The following GRIA1 variants were observed in gnomAD, a reference collection of about 807,000 sequenced individuals.
The protein encoded by GRIA1 is glutamate ionotropic receptor AMPA type subunit 1, also known as glutamate receptor 1.
A neutral mutation model predicts 99.2 loss-of-function variants in GRIA1; 31 were observed. The observed-to-expected ratio is 0.31, with a 90% CI of 0.23 to 0.42. GRIA1 has a LOEUF of 0.42. Among genes scored for constraint, GRIA1 ranks in the 10% least tolerant of loss-of-function variants. The pLI is 1.00. For missense variants in GRIA1, 782 were observed against 1,157.5 expected, an observed-to-expected ratio of 0.68 and a Z score of 4.71; for synonymous variants, 438 against 432.4, an observed-to-expected ratio of 1.01 and a Z score of -0.16.
At chr5:153,551,007 C>G (rs1218563625) in intron 2 of GRIA1, among the ~76,000 whole-genome samples, 1 of 139,264 alleles carries the variant, frequency 7.2e-6, no homozygotes, top group African/African-American at 2.5e-5. Flanking sequence ...GCTGATATAG[C>G]TGGTCTGGGG....
chr5:153,602,979 T>A (rs939266184), intron 2 of GRIA1, among the ~76,000 whole-genome samples: 2 of 152,068 alleles, frequency 1.3e-5, no homozygotes, highest in African/African-American at 2.4e-5. Flanking sequence ...ATACCATGGG[T>A]CCCAGGGAAA....
At chr5:153,701,416 C>T (rs1030293536) in intron 10 of GRIA1, among the ~76,000 whole-genome samples, 2 of 151,826 alleles carry the variant, frequency 1.3e-5, no homozygotes, top group African/African-American at 4.8e-5. Context: ...AGATCTAGAC[C>T]ATCCTGGCTA....
chr5:153,499,486 G>A (rs1037925928), intron 2 of GRIA1, among the ~76,000 whole-genome samples: 3 of 151,656 alleles, frequency 2.0e-5, no homozygotes, highest in Non-Finnish European at 4.4e-5. Context: ...GTGGTGGCAC[G>A]CACCTGTAGT....
intron 13 of GRIA1, among the ~76,000 whole-genome samples, chr5:153,791,907 G>GAA (rs565834531): frequency 1.7e-3 from 235 of 141,362 alleles, no homozygotes; most frequent in Middle Eastern, 3.6e-3. Flanking sequence ...TGTTCATTTG[G>GAA]AAAAAAAAAA....
intron 5 of GRIA1, among the ~76,000 whole-genome samples, chr5:153,670,063 A>G: frequency 6.6e-6 from 1 of 152,190 alleles, no homozygotes; most frequent in East Asian, 1.9e-4. Context: ...TTATTTTGCA[A>G]AAGTGCCTCA....
intron 10 of GRIA1, among the ~76,000 whole-genome samples, chr5:153,703,730 C>A (rs1198990570): frequency 6.6e-6 from 1 of 152,076 alleles, no homozygotes; most frequent in African/African-American, 2.4e-5. Context: ...AGGGCAAGAC[C>A]CTGTCTCAAA....
At chr5:153,574,265 C>T (rs1243105034) in intron 2 of GRIA1, 1 of 152,134 alleles carries the variant, frequency 6.6e-6, no homozygotes, top group Non-Finnish European at 1.5e-5. Flanking sequence ...TAAGCTGTGA[C>T]ATATACATTC....
chr5:153,762,105 G>A (rs1225664545), intron 11 of GRIA1, among the ~76,000 whole-genome samples: 4 of 152,210 alleles, frequency 2.6e-5, no homozygotes, highest in South Asian at 4.2e-4. Context: ...TCTATTGCAC[G>A]GTAGGGTGAC....
chr5:153,559,731 C>T (rs1760955082), intron 2 of GRIA1, among the ~76,000 whole-genome samples: 1 of 152,042 alleles, frequency 6.6e-6, no homozygotes, highest in Non-Finnish European at 1.5e-5. Flanking sequence ...TTTTTCAGCT[C>T]TATTATAATC....
At chr5:153,669,250 A>C (rs1299786709) in intron 5 of GRIA1, among the ~76,000 whole-genome samples, 2 of 152,210 alleles carry the variant, frequency 1.3e-5, no homozygotes, top group Non-Finnish European at 2.9e-5. Context: ...CATCTCAAAC[A>C]ATTATTATTC....
At chr5:153,549,070 T>C (rs1206725794) in intron 2 of GRIA1, among the ~76,000 whole-genome samples, 1 of 152,172 alleles carries the variant, frequency 6.6e-6, no homozygotes, top group Non-Finnish European at 1.5e-5. Context: ...AAGTGAGATA[T>C]TTAGGTAGCA....
At chr5:153,728,213 A>G (rs1275491616) in intron 11 of GRIA1, among the ~76,000 whole-genome samples, 2 of 152,164 alleles carry the variant, frequency 1.3e-5, no homozygotes, top group Non-Finnish European at 1.5e-5. Context: ...CCTCCCTTAC[A>G]CCTTATACAA....
intron 2 of GRIA1, among the ~76,000 whole-genome samples, chr5:153,616,459 A>G (rs768241689): frequency 2.7e-5 from 4 of 148,842 alleles, no homozygotes; most frequent in African/African-American, 4.9e-5. Flanking sequence ...ACCAACATCA[A>G]TGATGAGCTA....
At chr5:153,535,883 C>T (rs1295003677) in intron 2 of GRIA1, among the ~76,000 whole-genome samples, 1 of 152,244 alleles carries the variant, frequency 6.6e-6, no homozygotes, top group African/African-American at 2.4e-5. Flanking sequence ...CCTCTACTGT[C>T]TCCCTCTAAT....
intron 3 of GRIA1, among the ~76,000 whole-genome samples, chr5:153,649,789 G>A (rs1216407542): frequency 6.6e-6 from 1 of 152,114 alleles, no homozygotes; most frequent in Non-Finnish European, 1.5e-5. Flanking sequence ...AACACCTACT[G>A]TGTGAGAGAC....
chr5:153,704,015 G>C (rs1054213124), intron 10 of GRIA1, among the ~76,000 whole-genome samples: 3 of 152,166 alleles, frequency 2.0e-5, no homozygotes, highest in African/African-American at 7.2e-5. Context: ...TTATGCAGTG[G>C]GTATTAGGGG....
At chr5:153,615,248 A>G (rs1029576017) in intron 2 of GRIA1, among the ~76,000 whole-genome samples, 8 of 152,218 alleles carry the variant, frequency 5.3e-5, no homozygotes, top group Admixed American at 2.6e-4. Context: ...TATTAAGTCT[A>G]TACAGATCAA....
At chr5:153,655,702 T>C (rs760581472) in intron 4 of GRIA1, 117 bp from the exon 5 acceptor site, 10 of 780,446 alleles carry the variant, frequency 1.3e-5, no homozygotes, top group Non-Finnish European at 1.8e-5. Flanking sequence ...ATTGTAGTTC[T>C]AGTACTTAGG....
chr5:153,743,150 G>A (rs748739989), intron 11 of GRIA1, among the ~76,000 whole-genome samples: 5 of 152,150 alleles, frequency 3.3e-5, no homozygotes, highest in South Asian at 2.1e-4. Flanking sequence ...AGTGGAGACC[G>A]AGGCTAAAAT....
Sources: allele counts gnomAD v4.1 joint callset (sites outside exome capture counted in the v4.1 genomes callset), GRCh38; gene constraint gnomAD v4.1.1; transcripts MANE v1.5; gene names NCBI Gene and HGNC (gene_info 2026-07-23, HGNC 2026-07-21).